AP1G1: variants seen among roughly 807,000 people sequenced by gnomAD.
AP1G1 encodes the protein adaptor related protein complex 1 subunit gamma 1.
In AP1G1, 7 loss-of-function variants were observed where a neutral mutation model predicts 108.3. The observed-to-expected ratio is 0.06, with a 90% confidence interval of 0.04 to 0.12. The LOEUF (loss-of-function observed/expected upper bound fraction) is 0.12. AP1G1 is among the 10% of genes least tolerant of loss of function. The pLI is 1.00. For missense variants in AP1G1, 756 were observed against 1,010.7 expected (o/e 0.75, Z 3.42); for synonymous variants, 379 against 353.5 (o/e 1.07, Z -0.81).
At chr16:71,794,864 T>TTTTTTTC (rs71153663) in intron 1 of AP1G1, among the ~76,000 whole-genome samples, 1 of 121,334 alleles carries the variant, frequency 8.2e-6, no homozygotes, top group South Asian at 2.7e-4. Context: ...TTTTTTTTTT[T>TTTTTTTC]ACTTTGAAAT....
At chr16:71,764,829 T>C (rs2031246855) in intron 7 of AP1G1, 103 bp from the exon 8 acceptor site, 4 of 700,262 alleles carry the variant, frequency 5.7e-6, no homozygotes, top group Middle Eastern at 2.6e-4. Context: ...AGAAATTCAT[T>C]TGGAACCATT....
intron 6 of AP1G1, among the ~76,000 whole-genome samples, chr16:71,769,028 A>G (rs1847347592): frequency 6.8e-6 from 1 of 147,494 alleles, no homozygotes; most frequent in African/African-American, 2.5e-5. Context: ...CACACCTGTA[A>G]TCCCAGCACT....
intron 2 of AP1G1, among the ~76,000 whole-genome samples, chr16:71,779,812 A>G (rs1339087364): frequency 6.6e-6 from 1 of 152,088 alleles, no homozygotes; most frequent in East Asian, 1.9e-4. Context: ...GTTAGCTTTT[A>G]GAACAGTTTC....
At position 71,750,346 on chromosome 16, in the gene AP1G1, C is replaced by T; in HGVS notation, c.1285-14G>A. The T allele has an allele frequency of 1.2e-6, 2 of 1,613,356 alleles. No individual in the cohort carries two copies. Among genetic ancestry groups the T allele is most frequent in the Non-Finnish European group, 1.7e-6 (2 of 1,179,764 alleles). On this transcript the variant is annotated splice_polypyrimidine_tract_variant and intron_variant, in intron 13 of 22. Transcript: ENST00000299980. ...ATAACTTCCTGCCTAAAAGGAAATG[C>T]AGACAATTACCCCTAGAAACACACA...
chr16:71,780,624 C>T (rs1164716720), intron 2 of AP1G1, among the ~76,000 whole-genome samples: 3 of 151,344 alleles, frequency 2.0e-5, no homozygotes, highest in Admixed American at 6.6e-5. Flanking sequence ...TAAAAGTCAC[C>T]TTTATTTATT....
chr16:71,774,892 T>C (rs1018085897), intron 2 of AP1G1, among the ~76,000 whole-genome samples: 8 of 151,916 alleles, frequency 5.3e-5, no homozygotes, highest in South Asian at 2.1e-4. Flanking sequence ...GGCTAATTTT[T>C]GCATTTTTAG....
At chr16:71,737,204 T>C (rs541515364) in intron 21 of AP1G1, among the ~76,000 whole-genome samples, 2 of 152,288 alleles carry the variant, frequency 1.3e-5, no homozygotes, top group East Asian at 3.9e-4. Flanking sequence ...CTTCATGTCA[T>C]ACAACTACTA....
chr16:71,792,207 A>C (rs1023513501), intron 1 of AP1G1, among the ~76,000 whole-genome samples: 1 of 152,174 alleles, frequency 6.6e-6, no homozygotes, highest in African/African-American at 2.4e-5. Flanking sequence ...TAAAGGTGTC[A>C]AGATGTCTAC....
At chr16:71,734,770 A>G (rs2045513261) in intron 21 of AP1G1, 63 bp from the exon 22 acceptor site, 4 of 1,349,980 alleles carry the variant, frequency 3.0e-6, no homozygotes, top group Non-Finnish European at 4.2e-6. Context: ...CAGAGATACC[A>G]AAAACCATTT....
intron 1 of AP1G1, among the ~76,000 whole-genome samples, chr16:71,792,723 G>A (rs892773717): frequency 2.6e-5 from 4 of 151,468 alleles, no homozygotes; most frequent in South Asian, 2.1e-4. Context: ...GCGTGGTGGC[G>A]CACACCTGTG....
At chr16:71,734,578 C>G in intron 22 of AP1G1, 31 bp downstream of exon 22, 1 of 1,522,880 alleles carries the variant, frequency 6.6e-7, no homozygotes, top group Non-Finnish European at 9.1e-7. Context: ...TACACTTCGG[C>G]TCAGATATTG....
intron 15 of AP1G1, 85 bp downstream of exon 15, chr16:71,749,809 T>C: frequency 8.4e-7 from 1 of 1,185,610 alleles, no homozygotes; most frequent in Non-Finnish European, 1.2e-6. Flanking sequence ...TTTCAAGGAA[T>C]CAACCTCAAC....
At chr16:71,764,498 C>A in intron 8 of AP1G1, 50 bp from the exon 9 acceptor site, 1 of 1,373,930 alleles carries the variant, frequency 7.3e-7, no homozygotes, top group South Asian at 1.3e-5. Context: ...ACAATGCTCC[C>A]AAAACATATT....
intron 15 of AP1G1, among the ~76,000 whole-genome samples, chr16:71,749,236 C>T (rs1443384626): frequency 6.6e-6 from 1 of 151,836 alleles, no homozygotes; most frequent in East Asian, 2.0e-4. Context: ...AATCCCAACA[C>T]TTTGAGAGGC....
chr16:71,761,669 G>T lies in AP1G1; in HGVS notation c.919-102C>A. ...CATGACCTCTGGTGCTTCACAGACT[G>T]CTAGCAAAAAAAAAAAGGAGCTGGG... is the stretch of plus-strand genomic sequence containing the variant. On this transcript the variant is annotated intron_variant, in intron 9 of 22. Transcript: ENST00000299980. 4.6e-6 allele frequency: 4 copies of T among 867,706 alleles called. No individual in the cohort carries two copies. In the South Asian group the frequency reaches 6.5e-5, roughly 14 times the overall value. 53.8% of individuals were successfully genotyped at this position (867,706 alleles called of 1,614,324 possible).
intron 9 of AP1G1, among the ~76,000 whole-genome samples, chr16:71,762,749 A>C (rs1335303119): frequency 6.6e-6 from 1 of 152,220 alleles, no homozygotes; most frequent in African/African-American, 2.4e-5. Context: ...TATCCTTTAT[A>C]ACAAACCAGC....
At chr16:71,764,508 T>C (rs1057498298) in intron 8 of AP1G1, 60 bp from the exon 9 acceptor site, 18 of 1,337,474 alleles carry the variant, frequency 1.3e-5, no homozygotes, top group Middle Eastern at 1.8e-4. Context: ...CAAAACATAT[T>C]CACAGGTAAC....
At chr16:71,783,170 C>T (rs139376487) in intron 2 of AP1G1, among the ~76,000 whole-genome samples, 79 of 152,148 alleles carry the variant, frequency 5.2e-4, no homozygotes, top group African/African-American at 1.6e-3. Flanking sequence ...CATTTGTTTA[C>T]GGCTTTAACA....
intron 21 of AP1G1, among the ~76,000 whole-genome samples, chr16:71,738,300 C>T (rs1260175327): frequency 2.6e-5 from 4 of 151,460 alleles, no homozygotes; most frequent in Non-Finnish European, 4.4e-5. Flanking sequence ...CTCAAGTGAT[C>T]TGCCTGCCTC....
Sources: gnomAD v4.1 joint callset for allele counts (sites outside exome capture counted in the v4.1 genomes callset) on GRCh38, gnomAD v4.1.1 for gene constraint, MANE v1.5 for transcripts, NCBI Gene and HGNC (gene_info 2026-07-23, HGNC 2026-07-21) for gene names.